The following FCSK variants were observed in gnomAD, a reference collection of about 807,000 sequenced individuals.
FCSK encodes the protein L-fucose kinase.
FCSK carries 123 observed loss-of-function variants against 122.5 expected under a neutral mutation model. The observed-to-expected ratio is 1.00, with a 90% confidence interval of 0.87 to 1.17. FCSK has a LOEUF of 1.17. Among genes scored for constraint, FCSK ranks in the 50% most tolerant of loss-of-function variants. The pLI is 0.00. For synonymous variants in FCSK, 620 were observed against 625.5 expected, an observed-to-expected ratio of 0.99 and a Z score of 0.13; for missense variants, 1,366 against 1,450.4, an observed-to-expected ratio of 0.94 and a Z score of 0.95.
At position 70,463,666 on chromosome 16, in the gene FCSK, G is replaced by C; in HGVS notation, c.126G>C (p.Thr42=). 6.2e-7 allele frequency: 1 copy of C among 1,613,392 alleles called. No individual in the cohort carries two copies. The highest frequency in any genetic ancestry group is 8.5e-7 in the Non-Finnish European group (1 of 1,180,016). ...RQKREQIPAG[T]LLLAVEDPEK... ...AGCGGGAGCAGATCCCTGCTGGGAC[G>C]CTGTTACTGGCCGTGGAGGACCCAG... The change falls in exon 3 of 24, where the codon ACG becomes ACC. Residue 42 remains threonine (T), a synonymous_variant. Transcript: ENST00000288078.
At position 70,479,355 on chromosome 16, in the gene FCSK, G is replaced by A. The variant is rs1339866393; in HGVS notation, c.3105G>A (p.Lys1035=). 6.2e-7 allele frequency: 1 copy of A among 1,614,034 alleles called. No homozygotes were observed. Among genetic ancestry groups the A allele is most frequent in the Non-Finnish European group, 8.5e-7 (1 of 1,180,028 alleles). The change falls in exon 23 of 24, where the codon AAG becomes AAA. Residue 1035 remains lysine, a synonymous_variant. Coordinates refer to ENST00000288078, the MANE Select transcript of FCSK (RefSeq NM_145059.3). ...GGGGFLYLLT[K]EPQQKEALEA... ...GAGGCTTTCTCTATCTGTTGACCAAGGAGCCACAGCAAAAGGAGGCCTTGG... is the reference window on the plus strand; with the variant it reads ...GAGGCTTTCTCTATCTGTTGACCAAAGAGCCACAGCAAAAGGAGGCCTTGG...
At chr16:70,468,030 G>A in intron 8 of FCSK, 64 bp downstream of exon 8, 1 of 1,208,468 alleles carries the variant, frequency 8.3e-7, no homozygotes, top group Non-Finnish European at 1.2e-6. Context: ...GGGAGGGTCT[G>A]ACTTCCTTCG....
In FCSK at chr16:70,473,222, T is replaced by G. The variant is rs1165835461; in HGVS notation, c.1646T>G (p.Leu549Arg). Residue 549 changes from leucine to arginine, a missense_variant, in exon 15 of 24, where the codon CTG becomes CGG. Physicochemically the swap from Leu to Arg is moderately radical, Grantham distance 102. Transcript: ENST00000288078. This position sits in a 1 kb window ranked among gnomAD's most constrained non-coding sequence, Gnocchi z 4.9. ...GCCACGCTGGCCTCTCGCCGGGACC[T>G]GTTCTTCCGCCAGGCCCTGCATAAG... ...RAATLASRRD[L>R]FFRQALHKAR... The G allele has an allele frequency of 6.5e-7, 1 of 1,535,802 alleles. No homozygotes were observed. Among genetic ancestry groups the G allele is most frequent in the South Asian group, 1.2e-5 (1 of 83,924 alleles).
At position 70,474,684 on chromosome 16, in the gene FCSK, G is replaced by C. The variant is rs747489093; in HGVS notation, c.2145G>C (p.Val715=). 79 of 1,600,396 alleles carry C rather than the reference G, an allele frequency of 4.9e-5. No homozygotes were observed. Among genetic ancestry groups the C allele is most frequent in the Non-Finnish European group, 6.0e-5 (70 of 1,174,144 alleles). The part of the protein sequence containing the change: ...QWVVAECPAR[V]DFSGGWSDTP... ...TGGTGGCTGAGTGCCCGGCCCGTGT[G>C]GATTTCTCTGGTGAGCCCCTTGTGG... The change falls in exon 17 of 24, where the codon GTG becomes GTC. Residue 715 remains valine, a synonymous_variant. Coordinates refer to ENST00000288078, the MANE Select transcript of FCSK (RefSeq NM_145059.3).
Position 70,467,477 on chromosome 16 carries a change from G to A in FCSK, c.582+6G>A. 1 of 1,584,448 alleles carries A rather than the reference G, an allele frequency of 6.3e-7. No homozygotes were observed. Among genetic ancestry groups the A allele is most frequent in the Non-Finnish European group, 8.6e-7 (1 of 1,165,312 alleles). On this transcript the variant is annotated splice_donor_region_variant and intron_variant, in intron 7 of 23. Transcript: ENST00000288078. ...TCTACCTAACTGACCCCCAGGTAGT[G>A]CCCCTGGGGACAGTGGAGCCGGCTG...
In FCSK at chr16:70,463,150, A is replaced by T; in HGVS notation, c.-22-19A>T. The T allele has an allele frequency of 7.1e-7, 1 of 1,399,798 alleles. No homozygotes were observed. The highest frequency in any genetic ancestry group is 1.0e-6 in the Non-Finnish European group (1 of 989,848). 86.7% of individuals were successfully genotyped at this position (1,399,798 alleles called of 1,614,324 possible). A position where few individuals can be genotyped will look rare whatever the true frequency, so the allele number is the denominator to read the frequency against. ...GATGGTTTAAAAAATAGTCACATCTACCCATATTGCTGTCTCAGGAAGCCC... is the reference window on the plus strand; with the variant it reads ...GATGGTTTAAAAAATAGTCACATCTTCCCATATTGCTGTCTCAGGAAGCCC... On this transcript the variant is annotated intron_variant, in intron 1 of 23. Transcript: ENST00000288078.
In FCSK at chr16:70,474,575, A is replaced by C; in HGVS notation, c.2036A>C (p.Gln679Pro). ...GCCCGCCACTATGAGGGGGCTGGTC[A>C]GATCCTGATCCGCCAGGCTGTGATG... is the stretch of plus-strand genomic sequence containing the variant. Reference protein sequence around the residue: ...RAARHYEGAGQILIRQAVMSA... With the variant: ...RAARHYEGAGPILIRQAVMSA... The change falls in exon 17 of 24, where the codon CAG (glutamine) becomes CCG (proline). Residue 679 changes from glutamine (Q) to proline (P), a missense_variant. Physicochemically the swap from Gln to Pro is moderately conservative, Grantham distance 76. Coordinates refer to ENST00000288078, the MANE Select transcript of FCSK (RefSeq NM_145059.3). 1 of 1,560,492 alleles carries C rather than the reference A, an allele frequency of 6.4e-7. No individual in the cohort carries two copies. The highest frequency in any genetic ancestry group is 8.7e-7 in the Non-Finnish European group (1 of 1,152,194).
intron 1 of FCSK, chr16:70,462,059 A>T (rs767271570): frequency 2.6e-5 from 4 of 152,284 alleles, no homozygotes; most frequent in Admixed American, 2.0e-4. Flanking sequence ...TGGGCCACAG[A>T]TATGTACAAT....
At chr16:70,460,523 G>C (rs1402793392) in intron 1 of FCSK, among the ~76,000 whole-genome samples, 2 of 151,956 alleles carry the variant, frequency 1.3e-5, no homozygotes, top group African/African-American at 4.8e-5. Flanking sequence ...TTCTGACTCA[G>C]CCTCCTGAGT....
chr16:70,461,909 A>G (rs1043115062), intron 1 of FCSK, among the ~76,000 whole-genome samples: 1 of 152,174 alleles, frequency 6.6e-6, no homozygotes, highest in Non-Finnish European at 1.5e-5. Flanking sequence ...TGTTCACACG[A>G]ACCTATCTCC....
In FCSK at chr16:70,474,295, G is replaced by A. The variant is rs376741827; in HGVS notation, c.1944G>A (p.Ala648=). 5.3e-5 allele frequency: 85 copies of A among 1,613,462 alleles called. No homozygotes were observed. The highest frequency in any genetic ancestry group is 6.4e-5 in the Non-Finnish European group (76 of 1,179,948). The change falls in exon 16 of 24, where the codon GCG becomes GCA. Residue 648 remains alanine (A), a synonymous_variant. Transcript: ENST00000288078. ...FSYLECGDLA[A]GVEALAQERD... ...ACCTGGAGTGTGGAGACCTGGCAGC[G>A]GGCGTGGAGGCGCTTGCCCAGGAGA...
chr16:70,477,611 C>G (rs1362039826), intron 20 of FCSK: 1 of 152,276 alleles, frequency 6.6e-6, no homozygotes, highest in South Asian at 2.1e-4. Flanking sequence ...ACATAAACCA[C>G]CTGTCAGAAG....
chr16:70,463,742 G>T lies in FCSK; in HGVS notation c.202G>T (p.Ala68Ser), dbSNP rs759313314. 1 of 1,612,176 alleles carries T rather than the reference G, an allele frequency of 6.2e-7. No individual in the cohort carries two copies. Among genetic ancestry groups the T allele is most frequent in the Non-Finnish European group, 8.5e-7 (1 of 1,179,862 alleles). Residue 68 changes from alanine (A) to serine (S), a missense_variant, in exon 3 of 24, where the codon GCT becomes TCT. Coordinates refer to ENST00000288078, the MANE Select transcript of FCSK (RefSeq NM_145059.3). ...CACCCTCAACGCCCTGCTGGTGGCT[G>T]CTGAACACCTGAGTGCCCGGGCAGG... ...GATLNALLVA[A>S]EHLSARAGFT...
Position 70,473,015 on chromosome 16 carries a change from C to T in FCSK, c.1439C>T (p.Pro480Leu), listed in dbSNP as rs756602561. The T allele has an allele frequency of 5.6e-6, 9 of 1,599,048 alleles. No homozygotes were observed. Among genetic ancestry groups the T allele is most frequent in the Non-Finnish European group, 7.7e-6 (9 of 1,173,568 alleles). ...AWDLWDPETL[P>L]AEYCLPSARL... ...GACCTGTGGGACCCTGAGACGCTGC[C>T]CGCAGAGTACTGCCTTCCCAGCGCC... The change falls in exon 15 of 24, where the codon CCC (proline) becomes CTC (leucine). Residue 480 changes from proline (P) to leucine (L), a missense_variant. Transcript: ENST00000288078. The surrounding 1 kb of genome is among the most constrained non-coding windows in gnomAD (Gnocchi z 4.9).
In FCSK at chr16:70,463,242, T is replaced by G; in HGVS notation, c.52T>G (p.Tyr18Asp). 1 of 1,614,036 alleles carries G rather than the reference T, an allele frequency of 6.2e-7. No individual in the cohort carries two copies. The highest frequency in any genetic ancestry group is 1.1e-5 in the South Asian group (1 of 91,076). The change falls in exon 2 of 24, where the codon TAC becomes GAC. Residue 18 changes from tyrosine to aspartate, a missense_variant. Tyr to Asp is a radical substitution (Grantham distance 160). Transcript: ENST00000288078. ...DWTVIILTCQ[Y>D]KDSVQVFQRE... ...GACAGTCATCATCCTGACCTGCCAG[T>G]ACAAGGACAGTGTCCAGGTCTTTCA...
intron 9 of FCSK, 37 bp downstream of exon 9, chr16:70,469,005 G>A (rs1350062514): frequency 1.2e-6 from 2 of 1,610,178 alleles, no homozygotes; most frequent in Non-Finnish European, 1.7e-6. Flanking sequence ...GGCCTGGCTT[G>A]GGGGCGAGGC....
At chr16:70,469,384 T>C in intron 10 of FCSK, 61 bp downstream of exon 10, 3 of 1,486,464 alleles carry the variant, frequency 2.0e-6, no homozygotes, top group Admixed American at 4.0e-5. Context: ...ACCCCAAGAA[T>C]GGAGCTGCTC....
intron 10 of FCSK, 87 bp downstream of exon 10, chr16:70,469,410 A>AGG: frequency 7.6e-7 from 1 of 1,318,334 alleles, no homozygotes; most frequent in Non-Finnish European, 1.0e-6. Context: ...ATGCTGGGCC[A>AGG]GGCAGCCCAG....
At chr16:70,466,668 G>T in intron 5 of FCSK, 1 of 579,172 alleles carries the variant, frequency 1.7e-6, no homozygotes, top group Non-Finnish European at 3.1e-6. Flanking sequence ...CTGCACTCCA[G>T]CCTGGGTGAC....
Sources: allele counts gnomAD v4.1 joint callset (sites outside exome capture counted in the v4.1 genomes callset), GRCh38; gene constraint gnomAD v4.1.1; non-coding constraint Gnocchi (gnomAD v3.1); transcripts MANE v1.5; gene names NCBI Gene and HGNC (gene_info 2026-07-23, HGNC 2026-07-21).